The following PPM1E variants were observed in gnomAD, a reference collection of about 807,000 sequenced individuals.
The protein encoded by PPM1E is protein phosphatase 1E.
Under a neutral mutation model 65.9 loss-of-function variants are expected in PPM1E, and 20 were observed. That is an observed-to-expected ratio of 0.30 (90% CI 0.21 to 0.44). The LOEUF (loss-of-function observed/expected upper bound fraction) is 0.44. Ranked by LOEUF, PPM1E falls within the 20% of genes least tolerant of loss-of-function variation. PPM1E has a pLI of 1.00. For missense variants in PPM1E, 713 were observed against 953.1 expected (o/e 0.75, Z 3.32); for synonymous variants, 352 against 374.9 (o/e 0.94, Z 0.70).
chr17:58,929,025 G>A (rs2051860466), intron 1 of PPM1E, among the ~76,000 whole-genome samples: 2 of 152,032 alleles, frequency 1.3e-5, no homozygotes, highest in Middle Eastern at 3.4e-3. Context: ...TTTTAATATA[G>A]CTTTATTCAT....
intron 1 of PPM1E, among the ~76,000 whole-genome samples, chr17:58,833,268 A>G (rs1380232396): frequency 4.0e-5 from 6 of 150,836 alleles, no homozygotes; most frequent in Non-Finnish European, 8.8e-5. Context: ...AACCCCTGGC[A>G]ACCACTGATC....
intron 1 of PPM1E, among the ~76,000 whole-genome samples, chr17:58,934,534 A>G (rs2051950359): frequency 6.6e-6 from 1 of 152,226 alleles, no homozygotes; most frequent in Non-Finnish European, 1.5e-5. Flanking sequence ...TGTATTGAGC[A>G]CTGTGTGCCA....
chr17:58,762,163 A>G (rs2144141473), intron 1 of PPM1E, among the ~76,000 whole-genome samples: 1 of 152,286 alleles, frequency 6.6e-6, no homozygotes, highest in African/African-American at 2.4e-5. Context: ...CCTGGTTTTA[A>G]CAAAATTAGC....
At chr17:58,916,020 T>C (rs1022744736) in intron 1 of PPM1E, among the ~76,000 whole-genome samples, 8 of 152,218 alleles carry the variant, frequency 5.3e-5, no homozygotes, top group African/African-American at 1.7e-4. Context: ...GTTTTTCTTA[T>C]TTGTTTGAGA....
At chr17:58,895,803 G>A (rs548654208) in intron 1 of PPM1E, among the ~76,000 whole-genome samples, 55 of 148,792 alleles carry the variant, frequency 3.7e-4, no homozygotes, top group South Asian at 6.4e-4. Flanking sequence ...GAGCGAGACC[G>A]TGTCTCAAAA....
At chr17:58,923,299 AAAAG>A (rs1226202853) in intron 1 of PPM1E, among the ~76,000 whole-genome samples, 10 of 150,296 alleles carry the variant, frequency 6.7e-5, no homozygotes, top group East Asian at 2.0e-4. Flanking sequence ...AAAAAAAAAA[AAAAG>A]AAAGAAAGAA....
At chr17:58,756,647 C>A (rs903001352) in intron 1 of PPM1E, among the ~76,000 whole-genome samples, 186 bp downstream of exon 1, 5 of 21,354 alleles carry the variant, frequency 2.3e-4, no homozygotes, top group African/African-American at 1.4e-3. Flanking sequence ...CCCACGCCCG[C>A]CTCGGCCCCC....
At chr17:58,798,851 G>A (rs2050232745) in intron 1 of PPM1E, among the ~76,000 whole-genome samples, 1 of 151,894 alleles carries the variant, frequency 6.6e-6, no homozygotes, top group Admixed American at 6.6e-5. Context: ...ATGCCACCAT[G>A]CTCGGCTAAA....
At chr17:58,935,111 C>T (rs1262802032) in intron 1 of PPM1E, among the ~76,000 whole-genome samples, 1 of 151,132 alleles carries the variant, frequency 6.6e-6, no homozygotes, top group Non-Finnish European at 1.5e-5. Context: ...ATTAGCTGGG[C>T]GCAGTGGCGG....
At chr17:58,765,826 C>G (rs1011467859) in intron 1 of PPM1E, among the ~76,000 whole-genome samples, 4 of 150,352 alleles carry the variant, frequency 2.7e-5, no homozygotes, top group African/African-American at 9.8e-5. Context: ...AGTATTTGAC[C>G]TGCTTTTTAC....
intron 1 of PPM1E, among the ~76,000 whole-genome samples, chr17:58,772,941 G>A (rs896694308): frequency 6.6e-6 from 1 of 151,226 alleles, no homozygotes. Flanking sequence ...TATTAGAACA[G>A]TGTCTTCTAA....
chr17:58,902,044 T>C (rs986956418), intron 1 of PPM1E, among the ~76,000 whole-genome samples: 1 of 152,032 alleles, frequency 6.6e-6, no homozygotes, highest in African/African-American at 2.4e-5. Context: ...TAGCTAAAAC[T>C]TCCTGTTCTG....
At chr17:58,809,075 A>C (rs1410241180) in intron 1 of PPM1E, among the ~76,000 whole-genome samples, 1 of 152,102 alleles carries the variant, frequency 6.6e-6, no homozygotes, top group African/African-American at 2.4e-5. Flanking sequence ...TAGTTTCATT[A>C]TCACACCTAA....
intron 1 of PPM1E, among the ~76,000 whole-genome samples, chr17:58,790,022 T>C (rs1368716103): frequency 6.6e-6 from 1 of 152,134 alleles, no homozygotes; most frequent in Non-Finnish European, 1.5e-5. Flanking sequence ...AATAAGTTAG[T>C]TGAGCAAATA....
chr17:58,874,834 A>C (rs1427646711), intron 1 of PPM1E, among the ~76,000 whole-genome samples: 1 of 152,194 alleles, frequency 6.6e-6, no homozygotes, highest in African/African-American at 2.4e-5. Flanking sequence ...TATTATATTT[A>C]AGTTTCTACA....
intron 1 of PPM1E, among the ~76,000 whole-genome samples, chr17:58,832,727 A>G (rs1362794712): frequency 6.6e-6 from 1 of 152,238 alleles, no homozygotes; most frequent in East Asian, 1.9e-4. Flanking sequence ...TAACCATAGT[A>G]TAATTATCAA....
chr17:58,806,824 A>G (rs2050320086), intron 1 of PPM1E, among the ~76,000 whole-genome samples: 1 of 149,124 alleles, frequency 6.7e-6, no homozygotes. Flanking sequence ...CTCAGCCTCC[A>G]GAGTAGCTGG....
intron 1 of PPM1E, among the ~76,000 whole-genome samples, chr17:58,799,995 T>A (rs2050243914): frequency 6.6e-6 from 1 of 152,226 alleles, no homozygotes. Context: ...AGTTTTCTGT[T>A]TCTACAACAT....
At chr17:58,871,045 T>A (rs1405027268) in intron 1 of PPM1E, among the ~76,000 whole-genome samples, 3 of 152,118 alleles carry the variant, frequency 2.0e-5, no homozygotes, top group African/African-American at 7.2e-5. Flanking sequence ...TTTAACTTTA[T>A]GGTTTTTGTT....
Sources: gnomAD v4.1 joint callset for allele counts (sites outside exome capture counted in the v4.1 genomes callset) on GRCh38, gnomAD v4.1.1 for gene constraint, MANE v1.5 for transcripts, NCBI Gene and HGNC (gene_info 2026-07-23, HGNC 2026-07-21) for gene names.